The following USH1C variants were observed in gnomAD, a reference collection of about 807,000 sequenced individuals.
USH1C encodes USH1 protein network component harmonin.
A neutral mutation model predicts 119.3 loss-of-function variants in USH1C; 90 were observed. That is an observed-to-expected ratio of 0.75 (90% confidence interval 0.64 to 0.90). The LOEUF (loss-of-function observed/expected upper bound fraction) is 0.90. Ranked by LOEUF, USH1C falls within the 40% of genes least tolerant of loss-of-function variation. The pLI is 0.00. For missense variants in USH1C, 1,165 were observed against 1,167.7 expected (o/e 1.00, Z 0.03); for synonymous variants, 465 against 443.3 (o/e 1.05, Z -0.62).
At chr11:17,535,778 C>A (rs938868764) in intron 1 of USH1C, among the ~76,000 whole-genome samples, 11 of 152,148 alleles carry the variant, frequency 7.2e-5, no homozygotes, top group Non-Finnish European at 1.5e-4. Flanking sequence ...TTGTTTATCA[C>A]ATTGGGGCAA....
chr11:17,540,220 G>A (rs1191736428), intron 1 of USH1C, among the ~76,000 whole-genome samples: 1 of 152,126 alleles, frequency 6.6e-6, no homozygotes, highest in African/African-American at 2.4e-5. Context: ...GATGAGTTTG[G>A]GGATAAATGT....
intron 1 of USH1C, 135 bp from the exon 2 acceptor site, chr11:17,533,457 G>C (rs1851087971): frequency 1.4e-6 from 1 of 725,610 alleles, no homozygotes; most frequent in Non-Finnish European, 2.5e-6. Context: ...GAGAAGAGGA[G>C]CCACAGGCCA....
intron 8 of USH1C, among the ~76,000 whole-genome samples, chr11:17,525,453 T>C (rs970165042): frequency 1.3e-5 from 2 of 152,248 alleles, no homozygotes; most frequent in African/African-American, 4.8e-5. Flanking sequence ...CTGCTTACTA[T>C]TTAGCAGGTA....
chr11:17,529,177 T>G (rs1259105347), intron 4 of USH1C, among the ~76,000 whole-genome samples: 1 of 152,228 alleles, frequency 6.6e-6, no homozygotes, highest in Non-Finnish European at 1.5e-5. Flanking sequence ...GTCCATGTTA[T>G]GACAGGGAAA....
intron 20 of USH1C, among the ~76,000 whole-genome samples, chr11:17,502,538 C>A (rs997705698): frequency 6.6e-6 from 1 of 152,216 alleles, no homozygotes; most frequent in Non-Finnish European, 1.5e-5. Context: ...CAGTGTTGGC[C>A]TGGAGCCTGG....
At chr11:17,525,594 G>T (rs1850632665) in intron 8 of USH1C, among the ~76,000 whole-genome samples, 1 of 152,186 alleles carries the variant, frequency 6.6e-6, no homozygotes, top group African/African-American at 2.4e-5. Flanking sequence ...CTCTTAAGTG[G>T]GAAAGCAGGG....
At chr11:17,533,218 C>T (rs781739743) in intron 2 of USH1C, 37 bp downstream of exon 2, 1 of 1,571,830 alleles carries the variant, frequency 6.4e-7, no homozygotes, top group East Asian at 2.2e-5. Flanking sequence ...ACAAAGGAAC[C>T]CAAGTGGCCC....
At chr11:17,530,732 G>T (rs916178274) in intron 4 of USH1C, among the ~76,000 whole-genome samples, 1 of 152,252 alleles carries the variant, frequency 6.6e-6, no homozygotes, top group African/African-American at 2.4e-5. Flanking sequence ...AGCAAAGCCA[G>T]AATTGAACCC....
At chr11:17,506,477 T>C (rs1387921865) in intron 18 of USH1C, among the ~76,000 whole-genome samples, 1 of 152,188 alleles carries the variant, frequency 6.6e-6, no homozygotes, top group African/African-American at 2.4e-5. Flanking sequence ...GGGCAAGATG[T>C]ATCAAATCAG....
At position 17,531,167 on chromosome 11, in the gene USH1C, C is replaced by T. The variant is rs1850951977; in HGVS notation, c.374G>A (p.Ser125Asn). ...SHLIKGGQAD[S>N]VGLQVGDEIV... ...CTGTTTGCTCACCTGGAGCCCGACG[C>T]TGTCTGCCTGACCGCCTTTGATGAG... The change falls in exon 4 of 27, where the codon AGC (serine) becomes AAC (asparagine). Residue 125 changes from serine (S) to asparagine (N), a missense_variant. By Grantham distance (46) the Ser-to-Asn change is conservative. Coordinates refer to ENST00000005226, the MANE Select transcript of USH1C (RefSeq NM_153676.4). This position sits in a 1 kb window ranked among gnomAD's most constrained non-coding sequence, Gnocchi z 4.2. 6.2e-7 allele frequency: 1 copy of T among 1,614,166 alleles called. No individual in the cohort carries two copies.
rs200779709 is a variant in USH1C, at chr11:17,495,673, A to C, written c.2551T>G (p.Ser851Ala). The change falls in exon 26 of 27, where the codon TCT (serine) becomes GCT (alanine). Residue 851 changes from serine (S) to alanine (A), a missense_variant. Ser to Ala is a moderately conservative substitution (Grantham distance 99, BLOSUM62 1). Coordinates refer to ENST00000005226, the MANE Select transcript of USH1C (RefSeq NM_153676.4). Reference sequence around the variant, plus strand: ...CTTTCAGCTACGGAGGAGGGAAGAGAAGCTCTATATATACAGAGCAGAGCA... The same window carrying C: ...CTTTCAGCTACGGAGGAGGGAAGAGCAGCTCTATATATACAGAGCAGAGCA... ...PPKEYDDELA[S>A]LPSSVAESPQ... 115 of 1,614,138 alleles carry C rather than the reference A, an allele frequency of 7.1e-5. 1 individual carries two copies. In the East Asian group the frequency reaches 2.0e-3, roughly 28 times the overall value.
At chr11:17,514,150 G>T (rs953759509) in intron 15 of USH1C, among the ~76,000 whole-genome samples, 38 of 152,350 alleles carry the variant, frequency 2.5e-4, no homozygotes, top group African/African-American at 8.7e-4. Flanking sequence ...GGGGCCAAAG[G>T]CCTGGGAACC....
At chr11:17,501,641 G>C in intron 21 of USH1C, 106 bp from the exon 22 acceptor site, 1 of 1,319,548 alleles carries the variant, frequency 7.6e-7, no homozygotes, top group Non-Finnish European at 1.1e-6. Flanking sequence ...GGGCCCCACA[G>C]AGCACATGGG....
At chr11:17,522,032 C>T (rs1369913188) in intron 12 of USH1C, among the ~76,000 whole-genome samples, 1 of 152,106 alleles carries the variant, frequency 6.6e-6, no homozygotes, top group Non-Finnish European at 1.5e-5. Context: ...ACAGTTTCAC[C>T]ATGCTGGCCA....
In USH1C at chr11:17,524,441, C is replaced by G. The variant is rs368528034; in HGVS notation, c.759+10G>C. Reference sequence around the variant, plus strand: ...TGGGCCCCCACTGGGGCCGGCCCAGCGTCACTCACCTCCAATCCCACCTCA... The same window carrying G: ...TGGGCCCCCACTGGGGCCGGCCCAGGGTCACTCACCTCCAATCCCACCTCA... On this transcript the variant is annotated intron_variant, in intron 9 of 26. Coordinates refer to ENST00000005226, the MANE Select transcript of USH1C (RefSeq NM_153676.4). 6.4e-7 allele frequency: 1 copy of G among 1,567,244 alleles called. No homozygotes were observed. The highest frequency in any genetic ancestry group is 1.2e-5 in the South Asian group (1 of 85,208).
At position 17,520,811 on chromosome 11, in the gene USH1C, G is replaced by A. The variant is rs924177867; in HGVS notation, c.1210+59C>T. On this transcript the variant is annotated intron_variant, in intron 14 of 26. Coordinates refer to ENST00000005226, the MANE Select transcript of USH1C (RefSeq NM_153676.4). ...ATCTAGGAGGTGGTGGTGAGGGGAG[G>A]GAGGGCCAGCATTTCTGACTAGTTC... 14 of 1,606,076 alleles carry A rather than the reference G, an allele frequency of 8.7e-6. No homozygotes were observed. In the African/African-American group the frequency reaches 1.7e-4, roughly 20 times the overall value.
chr11:17,518,169 T>C (rs933166845), intron 14 of USH1C, among the ~76,000 whole-genome samples: 10 of 152,270 alleles, frequency 6.6e-5, no homozygotes, highest in African/African-American at 2.4e-4. Context: ...CATTGGCCTA[T>C]GCAAAGGCTG....
At position 17,531,654 on chromosome 11, in the gene USH1C, T is replaced by A; in HGVS notation, c.105-112A>T. ...ACTGGGCCCAGGCTTAGGAATGGAGTAGACCACTCCTGAAAAGCCCAGAGC... is the reference window on the plus strand; with the variant it reads ...ACTGGGCCCAGGCTTAGGAATGGAGAAGACCACTCCTGAAAAGCCCAGAGC... On this transcript the variant is annotated intron_variant, in intron 2 of 26. Coordinates refer to ENST00000005226, the MANE Select transcript of USH1C (RefSeq NM_153676.4). The surrounding 1 kb of genome is among the most constrained non-coding windows in gnomAD (Gnocchi z 4.2). 1 of 1,408,182 alleles carries A rather than the reference T, an allele frequency of 7.1e-7. No individual in the cohort carries two copies. Among genetic ancestry groups the A allele is most frequent in the Non-Finnish European group, 9.7e-7 (1 of 1,027,226 alleles). The allele number at this position is 1,408,182 out of a possible 1,614,324, so 87.2% of individuals were successfully genotyped here.
chr11:17,519,410 GC>G (rs1850311974), intron 14 of USH1C, among the ~76,000 whole-genome samples: 1 of 152,242 alleles, frequency 6.6e-6, no homozygotes, highest in African/African-American at 2.4e-5. Flanking sequence ...TATTCAAAGA[GC>G]TTGATTTGTT....
Sources: allele counts gnomAD v4.1 joint callset (sites outside exome capture counted in the v4.1 genomes callset), GRCh38; gene constraint gnomAD v4.1.1; non-coding constraint Gnocchi (gnomAD v3.1); transcripts MANE v1.5; gene names NCBI Gene and HGNC (gene_info 2026-07-23, HGNC 2026-07-21).